ESRRB: variants seen among roughly 807,000 people sequenced by gnomAD.
The protein encoded by ESRRB is steroid hormone receptor ERR2.
ESRRB carries 16 observed loss-of-function variants against 46.0 expected under a neutral mutation model. The ratio of observed to expected loss-of-function variants is 0.35; its 90% CI spans 0.24 to 0.53. The LOEUF is 0.53. ESRRB is among the 20% of genes least tolerant of loss of function. The pLI is 0.93. For synonymous variants in ESRRB, 246 were observed against 259.6 expected (o/e 0.95, Z 0.50); for missense variants, 488 against 607.4 (o/e 0.80, Z 2.07).
chr14:76,350,192 C>G (rs1310402991), intron 1 of ESRRB, among the ~76,000 whole-genome samples: 1 of 152,186 alleles, frequency 6.6e-6, no homozygotes, highest in African/African-American at 2.4e-5. Flanking sequence ...TCCTCTCCCT[C>G]CCACATAAGC....
At chr14:76,396,989 C>G in intron 1 of ESRRB, among the ~76,000 whole-genome samples, 1 of 152,214 alleles carries the variant, frequency 6.6e-6, no homozygotes, top group East Asian at 1.9e-4. Flanking sequence ...GCGGCCTCTC[C>G]TCCCACGCCA....
At chr14:76,449,088 G>GT (rs1239234261) in intron 2 of ESRRB, among the ~76,000 whole-genome samples, 3 of 152,030 alleles carry the variant, frequency 2.0e-5, no homozygotes, top group South Asian at 2.1e-4. Context: ...TATCCCTAAA[G>GT]TTTTTTTATT....
At chr14:76,484,576 G>T (rs1255488174) in intron 5 of ESRRB, among the ~76,000 whole-genome samples, 1 of 152,134 alleles carries the variant, frequency 6.6e-6, no homozygotes, top group Non-Finnish European at 1.5e-5. Context: ...GGCGCCTGGT[G>T]GTCCCCTGGG....
chr14:76,390,972 C>T (rs548366648), intron 1 of ESRRB, among the ~76,000 whole-genome samples: 186 of 152,334 alleles, frequency 1.2e-3, no homozygotes, highest in African/African-American at 4.3e-3. Context: ...TGTGTGGCTG[C>T]AGCGGGGCCC....
At chr14:76,458,032 CA>C (rs1401213896) in intron 2 of ESRRB, among the ~76,000 whole-genome samples, 6 of 152,140 alleles carry the variant, frequency 3.9e-5, no homozygotes. Context: ...ACCCATTTTA[CA>C]GATTAGGAAA....
intron 1 of ESRRB, among the ~76,000 whole-genome samples, chr14:76,355,801 C>T (rs976957180): frequency 6.6e-6 from 1 of 152,190 alleles, no homozygotes; most frequent in Non-Finnish European, 1.5e-5. Flanking sequence ...TGTTAGTTCC[C>T]CATCTTCCTC....
chr14:76,339,330 A>G (rs1284888003), intron 1 of ESRRB, among the ~76,000 whole-genome samples: 1 of 152,142 alleles, frequency 6.6e-6, no homozygotes, highest in Non-Finnish European at 1.5e-5. Flanking sequence ...GGATACTACC[A>G]TCACTTACTT....
chr14:76,404,410 G>A (rs1018570424), intron 1 of ESRRB: 6 of 151,730 alleles, frequency 4.0e-5, no homozygotes, highest in African/African-American at 1.2e-4. Flanking sequence ...AAAGTTTCCT[G>A]AGGTCAAGGA....
At chr14:76,473,200 A>G (rs1218929796) in intron 3 of ESRRB, among the ~76,000 whole-genome samples, 1 of 152,238 alleles carries the variant, frequency 6.6e-6, no homozygotes, top group Non-Finnish European at 1.5e-5. Context: ...GCATGGAACT[A>G]ATCATAATCA....
intron 1 of ESRRB, among the ~76,000 whole-genome samples, chr14:76,365,043 A>G (rs1161657100): frequency 1.3e-5 from 2 of 152,258 alleles, no homozygotes; most frequent in Non-Finnish European, 2.9e-5. Flanking sequence ...TTATGTATGA[A>G]CTAATATGTG....
chr14:76,469,028 C>T (rs1889246683), intron 3 of ESRRB, among the ~76,000 whole-genome samples: 1 of 152,102 alleles, frequency 6.6e-6, no homozygotes, highest in Non-Finnish European at 1.5e-5. Flanking sequence ...TCCTGACAAA[C>T]GCTGGTCCCC....
In ESRRB at chr14:76,485,626, TGAGAGAGAGAGAGAGA is replaced by T. The variant is rs151021182; in HGVS notation, c.850+2886_850+2901del. Among the ~76,000 whole-genome samples, 113 of 143,940 alleles carry T rather than the reference TGAGAGAGAGAGAGAGA, an allele frequency of 7.9e-4. 1 individual carries two copies. The highest frequency in any genetic ancestry group is 2.5e-3 in the African/African-American group (98 of 38,528). 94.4% of individuals were successfully genotyped at this position (143,940 alleles called of 152,430 possible). ...CATCTGAAGATGGGCTCCCTATCCCTGAGAGAGAGAGAGAGAGAGAGAGAGAGAGAGAGAAAGAAAG... is the reference window on the plus strand; with the variant it reads ...CATCTGAAGATGGGCTCCCTATCCCTGAGAGAGAGAGAGAGAGAAAGAAAG... On this transcript the variant is annotated intron_variant, in intron 5 of 6. Coordinates refer to ENST00000644823, the MANE Select transcript of ESRRB (RefSeq NM_001379180.1).
chr14:76,476,618 G>A (rs565724830), intron 3 of ESRRB, among the ~76,000 whole-genome samples: 23 of 152,282 alleles, frequency 1.5e-4, no homozygotes, highest in Admixed American at 9.2e-4. Context: ...TGCAAGTTAC[G>A]GAGAACCTGA....
chr14:76,417,537 A>G (rs1200358002), intron 1 of ESRRB, among the ~76,000 whole-genome samples: 2 of 152,186 alleles, frequency 1.3e-5, no homozygotes, highest in African/African-American at 4.8e-5. Flanking sequence ...TGTTTCCTGC[A>G]GCGTCTGTGT....
At position 76,498,714 on chromosome 14, in the gene ESRRB, G is replaced by T. The variant is rs368624284; in HGVS notation, c.*256G>T. ...TTTGGTATGTCTTTCCTTCTCCATG[G>T]ACGGTGCGGAGGCCTGGGCCAGGGC... On this transcript the variant is annotated 3_prime_UTR_variant, in exon 7 of 7. Transcript: ENST00000644823. 5 of 1,270,680 alleles carry T rather than the reference G, an allele frequency of 3.9e-6. No individual in the cohort carries two copies. In the African/African-American group the frequency reaches 5.9e-5, roughly 15 times the overall value. The allele number at this position is 1,270,680 out of a possible 1,614,324, so 78.7% of individuals were successfully genotyped here.
intron 1 of ESRRB, among the ~76,000 whole-genome samples, chr14:76,425,888 T>G (rs891515028): frequency 3.3e-5 from 5 of 152,016 alleles, no homozygotes; most frequent in African/African-American, 4.8e-5. Flanking sequence ...CACGCCCAGC[T>G]AATTTTGGGA....
At chr14:76,358,395 GAAAGAAAGAAAGAAAGAAAA>G (rs1566859700) in intron 1 of ESRRB, among the ~76,000 whole-genome samples, 14 of 109,686 alleles carry the variant, frequency 1.3e-4, no homozygotes, top group African/African-American at 4.8e-4. Flanking sequence ...AAGAAAGAAA[GAAAGAAAGAAAGAAAGAAAA>G]GAAAAGAAAA....
intron 3 of ESRRB, 21 bp from the exon 4 acceptor site, chr14:76,481,995 T>C: frequency 6.2e-7 from 1 of 1,609,368 alleles, no homozygotes; most frequent in Non-Finnish European, 8.5e-7. Flanking sequence ...GCTGAGATCT[T>C]TTCCCTTTCC....
chr14:76,458,520 T>C (rs564692447), intron 2 of ESRRB, among the ~76,000 whole-genome samples: 11 of 151,044 alleles, frequency 7.3e-5, no homozygotes, highest in East Asian at 3.9e-4. Context: ...AAGAGCCTGG[T>C]TGGGGACTTG....
Sources: gnomAD v4.1 joint callset for allele counts (sites outside exome capture counted in the v4.1 genomes callset) on GRCh38, gnomAD v4.1.1 for gene constraint, MANE v1.5 for transcripts, NCBI Gene and HGNC (gene_info 2026-07-23, HGNC 2026-07-21) for gene names.